The following SOCS7 variants were observed in gnomAD, a reference collection of about 807,000 sequenced individuals.
The protein encoded by SOCS7 is suppressor of cytokine signaling 7, also known as NAP-4.
In SOCS7, 18 loss-of-function variants were observed where a neutral mutation model predicts 58.9. The observed-to-expected ratio is 0.31, with a 90% CI of 0.21 to 0.45. The LOEUF is 0.45. Ranked by LOEUF, SOCS7 falls within the 20% of genes least tolerant of loss-of-function variation. The probability of loss-of-function intolerance (pLI) is 1.00; values close to 1 mark genes in which losing one functional copy is unlikely to be tolerated. For missense variants in SOCS7, 667 were observed against 837.3 expected, an observed-to-expected ratio of 0.80 and a Z score of 2.51; for synonymous variants, 388 against 364.3, an observed-to-expected ratio of 1.06 and a Z score of -0.74.
chr17:38,352,451 G>A lies in SOCS7; in HGVS notation c.399G>A (p.Ala133=). 1.4e-6 allele frequency: 2 copies of A among 1,461,364 alleles called. No individual in the cohort carries two copies. Among genetic ancestry groups the A allele is most frequent in the Non-Finnish European group, 9.0e-7 (1 of 1,108,660 alleles). 90.5% of individuals were successfully genotyped at this position (1,461,364 alleles called of 1,614,324 possible). A position where few individuals can be genotyped will look rare whatever the true frequency, so the allele number is the denominator to read the frequency against. The part of the protein sequence containing the change: ...QLAALGLGQP[A]GPGVKTVGGG... ...CGGCTCTGGGGCTCGGGCAGCCGGC[G>A]GGGCCGGGGGTCAAGACAGTCGGTG... Residue 133 remains alanine (A), a synonymous_variant, in exon 1 of 10, where the codon GCG becomes GCA. Transcript: ENST00000612932. The surrounding 1 kb of genome is among the most constrained non-coding windows in gnomAD (Gnocchi z 5.5).
intron 9 of SOCS7, among the ~76,000 whole-genome samples, chr17:38,399,082 C>T (rs1433447488): frequency 4.9e-5 from 7 of 143,082 alleles, no homozygotes; most frequent in East Asian, 2.0e-4. Context: ...AGCGAGACTC[C>T]GTCTCAAAAA....
intron 1 of SOCS7, among the ~76,000 whole-genome samples, chr17:38,360,842 A>G (rs2037709086): frequency 6.6e-6 from 1 of 152,234 alleles, no homozygotes; most frequent in Non-Finnish European, 1.5e-5. Context: ...CCCGGCCAGC[A>G]TATAACATAT....
At chr17:38,378,655 T>C (rs2037962167) in intron 7 of SOCS7, among the ~76,000 whole-genome samples, 1 of 152,240 alleles carries the variant, frequency 6.6e-6, no homozygotes, top group Non-Finnish European at 1.5e-5. Context: ...ATCCCTACCA[T>C]TGATGAATAC....
At chr17:38,360,507 CT>C (rs920669204) in intron 1 of SOCS7, among the ~76,000 whole-genome samples, 5 of 150,600 alleles carry the variant, frequency 3.3e-5, no homozygotes, top group East Asian at 2.0e-4. Context: ...TGGCATATTT[CT>C]TTTTTTTTAT....
rs374836036 is a variant in SOCS7 at position 38,397,387 on chromosome 17, C to T, written c.*30+1389C>T. On this transcript the variant is annotated intron_variant, in intron 9 of 9. Coordinates refer to ENST00000612932, the MANE Select transcript of SOCS7 (RefSeq NM_014598.4). ...TTTGCCAGTGCATGACTGCTCCCAA[C>T]ACTCAAGACAAGTGGCTCCCTGCCG... 1.7e-4 allele frequency among the ~76,000 whole-genome samples: 26 copies of T among 152,334 alleles called. No homozygotes were observed. The South Asian group carries it at 2.9e-3, about 17-fold the overall frequency.
intron 7 of SOCS7, among the ~76,000 whole-genome samples, chr17:38,382,015 G>A (rs896804835): frequency 6.8e-6 from 1 of 147,614 alleles, no homozygotes; most frequent in African/African-American, 2.5e-5. Context: ...AGCAGTGAGA[G>A]TGTGACTGAT....
intron 2 of SOCS7, among the ~76,000 whole-genome samples, chr17:38,362,753 A>T (rs944332712): frequency 6.6e-6 from 1 of 152,202 alleles, no homozygotes; most frequent in African/African-American, 2.4e-5. Flanking sequence ...GCCCAGAATT[A>T]AAAAATCTTA....
At chr17:38,365,193 T>C (rs747709919) in intron 3 of SOCS7, 115 bp from the exon 4 acceptor site, 53 of 714,446 alleles carry the variant, frequency 7.4e-5, no homozygotes, top group Non-Finnish European at 1.1e-4. Flanking sequence ...TGGGTGAAGG[T>C]TGGGCCATCC....
intron 6 of SOCS7, among the ~76,000 whole-genome samples, chr17:38,369,522 CAA>C (rs1490698731): frequency 1.3e-5 from 2 of 152,244 alleles, no homozygotes; most frequent in Non-Finnish European, 2.9e-5. Context: ...AGGAAAAAAA[CAA>C]AATGTGAAGC....
At chr17:38,391,592 T>C (rs2144396745) in intron 7 of SOCS7, among the ~76,000 whole-genome samples, 1 of 152,104 alleles carries the variant, frequency 6.6e-6, no homozygotes, top group South Asian at 2.1e-4. Flanking sequence ...AGGTAAGGTC[T>C]CCCTCCCTAT....
intron 6 of SOCS7, among the ~76,000 whole-genome samples, chr17:38,369,577 G>A (rs1416030771): frequency 1.3e-5 from 2 of 151,930 alleles, no homozygotes; most frequent in Non-Finnish European, 2.9e-5. Context: ...CTGTTCAAAT[G>A]ACTAGGCCCT....
At chr17:38,395,090 G>A (rs780609107) in intron 7 of SOCS7, among the ~76,000 whole-genome samples, 28 of 152,086 alleles carry the variant, frequency 1.8e-4, no homozygotes, top group Non-Finnish European at 3.7e-4. Context: ...TGATGCTAGG[G>A]AGGCCTTTGG....
chr17:38,354,132 C>G (rs973498013), intron 1 of SOCS7, among the ~76,000 whole-genome samples: 15 of 152,126 alleles, frequency 9.9e-5, no homozygotes, highest in Non-Finnish European at 1.9e-4. Context: ...ACAAAGCTGT[C>G]AACTTTGGTG....
chr17:38,396,022 C>G (rs1597715269), intron 9 of SOCS7, 24 bp downstream of exon 9: 14 of 1,540,178 alleles, frequency 9.1e-6, no homozygotes, highest in Non-Finnish European at 1.2e-5. Flanking sequence ...GCCTCACTGC[C>G]CAGCCACATT....
At chr17:38,363,033 G>A (rs1429454738) in intron 2 of SOCS7, among the ~76,000 whole-genome samples, 1 of 152,024 alleles carries the variant, frequency 6.6e-6, no homozygotes, top group Non-Finnish European at 1.5e-5. Flanking sequence ...AGAATCGCTT[G>A]AACCCGAGAG....
chr17:38,381,678 A>G (rs1442351295), intron 7 of SOCS7, among the ~76,000 whole-genome samples: 3 of 152,080 alleles, frequency 2.0e-5, no homozygotes, highest in Non-Finnish European at 4.4e-5. Context: ...TAAGACTGGT[A>G]TCAGGCTTGG....
At chr17:38,398,696 A>T (rs1279143865) in intron 9 of SOCS7, among the ~76,000 whole-genome samples, 1 of 152,184 alleles carries the variant, frequency 6.6e-6, no homozygotes, top group Non-Finnish European at 1.5e-5. Context: ...CAGACTATAG[A>T]GTAATGGCTA....
At chr17:38,394,018 T>A (rs1484421042) in intron 7 of SOCS7, among the ~76,000 whole-genome samples, 3 of 152,254 alleles carry the variant, frequency 2.0e-5, no homozygotes, top group Admixed American at 2.0e-4. Context: ...TGGCTGAGAA[T>A]TCTTTGACAG....
At position 38,371,762 on chromosome 17, in the gene SOCS7, T is replaced by TC. The variant is rs1555569107; in HGVS notation, c.1552+3712_1552+3713insC. Among the ~76,000 whole-genome samples the TC allele has an allele frequency of 1.0e-4, 15 of 149,738 alleles. No homozygotes were observed. In the East Asian group the frequency reaches 1.8e-3, roughly 17 times the overall value. ...GTGCCTGGCCCTTTTGTGTTTTTTT[T>TC]TTTTTTTTTTTTTTTTGTGGGTGAT... is the stretch of plus-strand genomic sequence containing the variant. On this transcript the variant is annotated intron_variant, in intron 6 of 9. Coordinates refer to ENST00000612932, the MANE Select transcript of SOCS7 (RefSeq NM_014598.4).
Sources: gnomAD v4.1 joint callset for allele counts (sites outside exome capture counted in the v4.1 genomes callset) on GRCh38, gnomAD v4.1.1 for gene constraint, Gnocchi (gnomAD v3.1) non-coding constraint, MANE v1.5 for transcripts, NCBI Gene and HGNC (gene_info 2026-07-23, HGNC 2026-07-21) for gene names.